Variants in LONRF1 observed in about 807,000 individuals in gnomAD.
LONRF1 encodes LON peptidase N-terminal domain and ring finger 1.
In LONRF1, 37 loss-of-function variants were observed where a neutral mutation model predicts 85.8. The ratio of observed to expected loss-of-function variants is 0.43; its 90% CI spans 0.33 to 0.57. LONRF1 has a LOEUF of 0.57. Among genes scored for constraint, LONRF1 ranks in the 20% least tolerant of loss-of-function variants. The pLI, the probability that LONRF1 is intolerant of heterozygous loss-of-function variation, is 0.04. For synonymous variants in LONRF1, 517 were observed against 390.1 expected (o/e 1.33, Z -3.83); for missense variants, 1,036 against 978.0 (o/e 1.06, Z -0.79).
intron 7 of LONRF1, 49 bp downstream of exon 7, chr8:12,735,237 A>G: frequency 8.1e-7 from 1 of 1,238,858 alleles, no homozygotes; most frequent in Non-Finnish European, 1.2e-6. Context: ...AAATTAAACC[A>G]TGCTGCCAAA....
chr8:12,729,982 G>C (rs986406302), intron 8 of LONRF1, among the ~76,000 whole-genome samples: 6 of 152,304 alleles, frequency 3.9e-5, no homozygotes, highest in African/African-American at 9.6e-5. Context: ...GCACGCTAAA[G>C]AACATGGCTA....
intron 10 of LONRF1, among the ~76,000 whole-genome samples, chr8:12,726,283 A>AT (rs1798300945): frequency 6.6e-6 from 1 of 152,160 alleles, no homozygotes; most frequent in East Asian, 1.9e-4. Flanking sequence ...AAAAGAAAAG[A>AT]TAAGTAGTTA....
chr8:12,724,955 T>C (rs1239999969), intron 11 of LONRF1, among the ~76,000 whole-genome samples: 3 of 152,226 alleles, frequency 2.0e-5, no homozygotes, highest in Non-Finnish European at 2.9e-5. Flanking sequence ...AGATCTATTA[T>C]CTCTCCATCT....
chr8:12,722,045 C>T lies in LONRF1; in HGVS notation c.*1051G>A, dbSNP rs1389501357. The T allele has an allele frequency of 1.3e-5, 2 of 152,488 alleles. No individual in the cohort carries two copies. The highest frequency in any genetic ancestry group is 2.9e-5 in the Non-Finnish European group (2 of 68,010). The allele number at this position is 152,488 out of a possible 1,614,324, so 9.4% of individuals were successfully genotyped here. A position where few individuals can be genotyped will look rare whatever the true frequency, so the allele number is the denominator to read the frequency against. On this transcript the variant is annotated 3_prime_UTR_variant, in exon 12 of 12. Transcript: ENST00000398246. ...CAAATAATTACAAAAGTTTCTAGGG[C>T]AGCATGAATATAAACCATGTTGCAG...
rs144335025 is a variant in LONRF1, at chr8:12,736,422, T to C, written c.1451+279A>G. Among the ~76,000 whole-genome samples, 945 of 152,298 alleles carry C rather than the reference T, an allele frequency of 6.2e-3. 9 individuals are homozygous for C. The highest frequency in any genetic ancestry group is 0.022 in the African/African-American group (914 of 41,568). On this transcript the variant is annotated intron_variant, in intron 6 of 11. Transcript: ENST00000398246. ...ATAACTTTCTTAGTACTTTACAATT[T>C]CCCAGATTCCTTTTATACTGAAGCC...
At chr8:12,746,405 T>G (rs916340356) in intron 1 of LONRF1, among the ~76,000 whole-genome samples, 2 of 152,176 alleles carry the variant, frequency 1.3e-5, no homozygotes, top group Admixed American at 6.5e-5. Context: ...GCCTCATTCC[T>G]GTGCTGAGCT....
In LONRF1 at chr8:12,755,457, A is replaced by G; in HGVS notation, c.-37T>C. 4 of 1,082,106 alleles carry G rather than the reference A, an allele frequency of 3.7e-6. No homozygotes were observed. The highest frequency in any genetic ancestry group is 4.5e-6 in the Non-Finnish European group (4 of 888,130). The allele number at this position is 1,082,106 out of a possible 1,614,324, so 67.0% of individuals were successfully genotyped here. On this transcript the variant is annotated 5_prime_UTR_variant, in exon 1 of 12. Transcript: ENST00000398246. ...GGCTGCGCCGCCGCCGCCCGCCGCC[A>G]CGGTCCCGGAGCCTCCCGGGCGCGC... is the stretch of plus-strand genomic sequence containing the variant.
intron 7 of LONRF1, among the ~76,000 whole-genome samples, chr8:12,734,815 C>T (rs964168567): frequency 5.3e-5 from 8 of 152,102 alleles, no homozygotes; most frequent in Admixed American, 5.2e-4. Flanking sequence ...GCTTAACAGG[C>T]AAACATGGCT....
Position 12,723,212 on chromosome 8 carries a change from C to G in LONRF1, c.2206G>C (p.Val736Leu). The G allele has an allele frequency of 6.2e-7, 1 of 1,614,074 alleles. No individual in the cohort carries two copies. The highest frequency in any genetic ancestry group is 8.5e-7 in the Non-Finnish European group (1 of 1,179,978). The change falls in exon 12 of 12, where the codon GTT (valine) becomes CTT (leucine). Residue 736 changes from valine to leucine, a missense_variant. Physicochemically the swap from Val to Leu is conservative, Grantham distance 32 (BLOSUM62 1). Coordinates refer to ENST00000398246, the MANE Select transcript of LONRF1 (RefSeq NM_152271.5). ...TGGTATCGTGGGTCTACAGGGAGAA[C>G]TGCAAGAAGCCACCAACACCATGCA... ...GPAWCWWLLA[V>L]LPVDPRYQLS...
chr8:12,738,931 CAAA>C (rs1798824971), intron 3 of LONRF1, among the ~76,000 whole-genome samples: 1 of 151,982 alleles, frequency 6.6e-6, no homozygotes, highest in East Asian at 1.9e-4. Context: ...TTCAAATACA[CAAA>C]AATCAAAATA....
rs1487433068 is a variant in LONRF1 at position 12,755,384 on chromosome 8, C to T, written c.37G>A (p.Gly13Arg). Reference sequence around the variant, plus strand: ...GGCGCTGGGGCCATCTCCCGACTCCCTCCTGGGGAGGTCCTCGCCACCGCC... The same window carrying T: ...GGCGCTGGGGCCATCTCCCGACTCCTTCCTGGGGAGGTCCTCGCCACCGCC... Reference protein sequence around the residue: ...SPAVARTSPGGSREMAPAPQG... With the variant: ...SPAVARTSPGRSREMAPAPQG... Residue 13 changes from glycine to arginine, a missense_variant, in exon 1 of 12, where the codon GGG (glycine) becomes AGG (arginine). Around this residue, in one of 3 missense-constraint regions of LONRF1, gnomAD observed 742 missense variants for 614.4 expected, o/e 1.21. Transcript: ENST00000398246. 1.7e-6 allele frequency: 2 copies of T among 1,183,890 alleles called. No individual in the cohort carries two copies. The highest frequency in any genetic ancestry group is 2.1e-6 in the Non-Finnish European group (2 of 956,874). The allele number at this position is 1,183,890 out of a possible 1,614,324, so 73.3% of individuals were successfully genotyped here. A position where few individuals can be genotyped will look rare whatever the true frequency, so the allele number is the denominator to read the frequency against.
At chr8:12,724,772 G>A in intron 11 of LONRF1, among the ~76,000 whole-genome samples, 1 of 152,160 alleles carries the variant, frequency 6.6e-6, no homozygotes, top group South Asian at 2.1e-4. Context: ...TCAGATTCAA[G>A]TAATCAGTTA....
In LONRF1 at chr8:12,754,691, C is replaced by G. The variant is rs537970133; in HGVS notation, c.721+9G>C. 3 of 1,342,800 alleles carry G rather than the reference C, an allele frequency of 2.2e-6. 1 individual carries two copies. Among genetic ancestry groups the G allele is most frequent in the South Asian group, 3.8e-5 (2 of 52,056 alleles). The allele number at this position is 1,342,800 out of a possible 1,614,324, so 83.2% of individuals were successfully genotyped here. A position where few individuals can be genotyped will look rare whatever the true frequency, so the allele number is the denominator to read the frequency against. Reference sequence around the variant, plus strand: ...TCGGCCCGGCCCCGCCGCATCCCCGCGCGGTCACCTGCTCGCAGCGCCTCG... The same window carrying G: ...TCGGCCCGGCCCCGCCGCATCCCCGGGCGGTCACCTGCTCGCAGCGCCTCG... On this transcript the variant is annotated intron_variant, in intron 1 of 11. Coordinates refer to ENST00000398246, the MANE Select transcript of LONRF1 (RefSeq NM_152271.5).
intron 11 of LONRF1, 68 bp from the exon 12 acceptor site, chr8:12,723,322 C>T (rs1433647658): frequency 7.0e-7 from 1 of 1,426,384 alleles, no homozygotes; most frequent in Non-Finnish European, 9.5e-7. Flanking sequence ...AGCAAACCAC[C>T]AAAAAATTAC....
At chr8:12,746,180 A>G (rs1306866212) in intron 1 of LONRF1, among the ~76,000 whole-genome samples, 1 of 152,110 alleles carries the variant, frequency 6.6e-6, no homozygotes, top group Non-Finnish European at 1.5e-5. Context: ...TACTATTGCA[A>G]TAGCTTGCTC....
intron 4 of LONRF1, among the ~76,000 whole-genome samples, chr8:12,737,671 C>G (rs1241995610): frequency 6.6e-6 from 1 of 152,002 alleles, no homozygotes; most frequent in South Asian, 2.1e-4. Context: ...ATCAAGGTGA[C>G]TTATGTTATA....
chr8:12,731,920 C>G, intron 7 of LONRF1, 63 bp from the exon 8 acceptor site: 1 of 1,454,220 alleles, frequency 6.9e-7, no homozygotes, highest in Non-Finnish European at 9.5e-7. Flanking sequence ...ACAGGCAACA[C>G]AGTTAACTGA....
chr8:12,736,827 C>T, intron 5 of LONRF1, 30 bp from the exon 6 acceptor site: 1 of 1,586,016 alleles, frequency 6.3e-7, no homozygotes, highest in Non-Finnish European at 8.6e-7. Flanking sequence ...GGGTTTTCTT[C>T]CTTAGGAAAA....
intron 10 of LONRF1, among the ~76,000 whole-genome samples, chr8:12,728,405 C>A (rs536772147): frequency 6.6e-6 from 1 of 152,180 alleles, no homozygotes; most frequent in Non-Finnish European, 1.5e-5. Context: ...TTAAGGTTAT[C>A]TTAGGCACAA....
Sources: allele counts gnomAD v4.1 joint callset (sites outside exome capture counted in the v4.1 genomes callset), GRCh38; gene constraint gnomAD v4.1.1; regional missense constraint gnomAD v4.1.1; transcripts MANE v1.5; gene names NCBI Gene and HGNC (gene_info 2026-07-23, HGNC 2026-07-21).